TRPC6: variants seen among roughly 807,000 people sequenced by gnomAD.
TRPC6 encodes the protein short transient receptor potential channel 6.
In TRPC6, 55 loss-of-function variants were observed where a neutral mutation model predicts 90.7. That is an observed-to-expected ratio of 0.61 (90% confidence interval 0.49 to 0.76). The LOEUF (loss-of-function observed/expected upper bound fraction) is 0.76. TRPC6 is among the 30% of genes least tolerant of loss of function. The pLI is 0.00. For synonymous variants in TRPC6, 393 were observed against 393.0 expected (o/e 1.00, Z 0.00); for missense variants, 989 against 1,122.7 (o/e 0.88, Z 1.70).
In TRPC6 at chr11:101,488,977, G is replaced by C; in HGVS notation, c.1253C>G (p.Pro418Arg). 1 of 1,614,142 alleles carries C rather than the reference G, an allele frequency of 6.2e-7. No individual in the cohort carries two copies. Among genetic ancestry groups the C allele is most frequent in the Non-Finnish European group, 8.5e-7 (1 of 1,180,000 alleles). Residue 418 changes from proline to arginine, a missense_variant, in exon 4 of 13, where the codon CCC (proline) becomes CGC (arginine). Pro to Arg is a moderately radical substitution (Grantham distance 103). Around this residue, in one of 4 missense-constraint regions of TRPC6, gnomAD observed 486 missense variants for 591.9 expected, o/e 0.82. Coordinates refer to ENST00000344327, the MANE Select transcript of TRPC6 (RefSeq NM_004621.6). ...LVVLAVAIGL[P>R]FLALIYWFAP... The stretch of plus-strand genomic sequence containing the variant: ...AAACCAGTAAATGAGAGCCAGGAAG[G>C]GCAGTCCAATGGCAACAGCAAGGAC...
intron 1 of TRPC6, among the ~76,000 whole-genome samples, chr11:101,524,042 A>G (rs1422150068): frequency 6.6e-6 from 1 of 152,210 alleles, no homozygotes; most frequent in Admixed American, 6.5e-5. Flanking sequence ...CAAAGTCAAC[A>G]CAGGATTACC....
At chr11:101,495,074 T>C (rs1859911929) in intron 2 of TRPC6, among the ~76,000 whole-genome samples, 1 of 152,218 alleles carries the variant, frequency 6.6e-6, no homozygotes, top group African/African-American at 2.4e-5. Flanking sequence ...TTAACTTAAT[T>C]CTGGGTCATG....
At chr11:101,564,957 A>T (rs11224862) in intron 1 of TRPC6, among the ~76,000 whole-genome samples, 11,178 of 152,196 alleles carry the variant, frequency 0.073, 562 homozygotes, top group Non-Finnish European at 0.11. Flanking sequence ...TACAAAGAAG[A>T]CACAATGGAA....
intron 1 of TRPC6, among the ~76,000 whole-genome samples, chr11:101,527,151 A>AT (rs1221890972): frequency 8.5e-5 from 13 of 152,176 alleles, no homozygotes; most frequent in East Asian, 1.9e-4. Flanking sequence ...TAAAATTTCT[A>AT]TTTTTTTATC....
In TRPC6 at chr11:101,504,752, G is replaced by A. The variant is rs200138684; in HGVS notation, c.217C>T (p.Arg73Cys). 1.2e-5 allele frequency: 20 copies of A among 1,604,434 alleles called. No individual in the cohort carries two copies. Among genetic ancestry groups the A allele is most frequent in the Admixed American group, 1.7e-5 (1 of 58,720 alleles). ...RLAHRRQTVL[R>C]EKGRRLANRG... ...TTAGCTAACCTTCTCCCCTTCTCACGGAGAACTGTCTGCCGCCGGTGAGCC... is the reference window on the plus strand; with the variant it reads ...TTAGCTAACCTTCTCCCCTTCTCACAGAGAACTGTCTGCCGCCGGTGAGCC... Residue 73 changes from arginine to cysteine, a missense_variant, in exon 2 of 13, where the codon CGT (arginine) becomes TGT (cysteine). Physicochemically the swap from Arg to Cys is radical, Grantham distance 180 (BLOSUM62 -3). Around this residue, in one of 4 missense-constraint regions of TRPC6, gnomAD observed 194 missense variants for 136.5 expected, o/e 1.42. Transcript: ENST00000344327.
chr11:101,471,321 G>C lies in TRPC6; in HGVS notation c.2271C>G (p.Gly757=). The C allele has an allele frequency of 6.2e-7, 1 of 1,613,852 alleles. No homozygotes were observed. Among genetic ancestry groups the C allele is most frequent in the Non-Finnish European group, 8.5e-7 (1 of 1,179,870 alleles). ...GATTGAAGGGTACAGGAAGTGTTCT[G>C]CCCTCCTCAAAGTAGGAAAACCAGA... is the stretch of plus-strand genomic sequence containing the variant. ...AKLWFSYFEE[G]RTLPVPFNLV... is the part of the protein sequence containing the mutation. Residue 757 remains glycine, a synonymous_variant, in exon 9 of 13, where the codon GGC becomes GGG. Coordinates refer to ENST00000344327, the MANE Select transcript of TRPC6 (RefSeq NM_004621.6).
At chr11:101,549,045 A>G (rs1861393499) in intron 1 of TRPC6, among the ~76,000 whole-genome samples, 1 of 151,866 alleles carries the variant, frequency 6.6e-6, no homozygotes, top group Admixed American at 6.6e-5. Context: ...ATGTTCAAAT[A>G]TCACTTTTTA....
chr11:101,563,248 G>T (rs7115437), intron 1 of TRPC6, among the ~76,000 whole-genome samples: 3,990 of 152,174 alleles, frequency 0.026, 101 homozygotes, highest in African/African-American at 0.06. Flanking sequence ...TGATTATAAG[G>T]TTGATTAGAA....
chr11:101,466,780 A>G (rs200102337), intron 10 of TRPC6, among the ~76,000 whole-genome samples: 1 of 151,766 alleles, frequency 6.6e-6, no homozygotes, highest in South Asian at 2.1e-4. Flanking sequence ...AACAAAAAAA[A>G]CTCCTGCAGC....
chr11:101,520,910 GC>G (rs1401848721), intron 1 of TRPC6, among the ~76,000 whole-genome samples: 3 of 152,164 alleles, frequency 2.0e-5, no homozygotes, highest in Non-Finnish European at 4.4e-5. Context: ...TAGCCTGGCA[GC>G]TTCTAACAGC....
rs1284909782 is a variant in TRPC6, at chr11:101,451,736, T to C, written c.*1219A>G. ...GCTAAACAGATTTTCTGCAACCATTTCATCTTTAAGATGAAGTTAAAGATT... is the reference window on the plus strand; with the variant it reads ...GCTAAACAGATTTTCTGCAACCATTCCATCTTTAAGATGAAGTTAAAGATT... On this transcript the variant is annotated 3_prime_UTR_variant, in exon 13 of 13. Coordinates refer to ENST00000344327, the MANE Select transcript of TRPC6 (RefSeq NM_004621.6). 6.6e-6 allele frequency: 1 copy of C among 152,248 alleles called. No individual in the cohort carries two copies. The highest frequency in any genetic ancestry group is 1.9e-4 in the East Asian group (1 of 5,206). The allele number at this position is 152,248 out of a possible 1,614,324, so 9.4% of individuals were successfully genotyped here.
chr11:101,466,985 A>T (rs985811872), intron 10 of TRPC6, among the ~76,000 whole-genome samples: 3 of 152,014 alleles, frequency 2.0e-5, no homozygotes, highest in Non-Finnish European at 1.5e-5. Context: ...GAAATTCCCC[A>T]ACCCCTTGCG....
Position 101,453,078 on chromosome 11 carries a change from G to C in TRPC6, c.2673C>G (p.Ile891Met). Residue 891 changes from isoleucine (I) to methionine (M), a missense_variant, in exon 13 of 13, where the codon ATC (isoleucine) becomes ATG (methionine). Ile to Met is a conservative substitution (Grantham distance 10). Coordinates refer to ENST00000344327, the MANE Select transcript of TRPC6 (RefSeq NM_004621.6). ...CAAGGAGTTCATAGCGGAGACTTGA[G>C]ATGTCCTGCTTAATTTCCTTCAGTT... ...EGELKEIKQD[I>M]SSLRYELLEE... 6.2e-7 allele frequency: 1 copy of C among 1,613,748 alleles called. No individual in the cohort carries two copies. The highest frequency in any genetic ancestry group is 8.5e-7 in the Non-Finnish European group (1 of 1,179,830).
At chr11:101,477,902 A>C (rs962748212) in intron 5 of TRPC6, among the ~76,000 whole-genome samples, 1 of 152,224 alleles carries the variant, frequency 6.6e-6, no homozygotes, top group Non-Finnish European at 1.5e-5. Flanking sequence ...TTAATTAAAA[A>C]GAAGTTGCTT....
chr11:101,577,531 A>C (rs1862095874), intron 1 of TRPC6, among the ~76,000 whole-genome samples: 1 of 152,200 alleles, frequency 6.6e-6, no homozygotes, highest in Non-Finnish European at 1.5e-5. Context: ...TAAAGTTTGG[A>C]AAATAGATAT....
chr11:101,519,601 CTAGT>C (rs1429308480), intron 1 of TRPC6, among the ~76,000 whole-genome samples: 1 of 151,994 alleles, frequency 6.6e-6, no homozygotes, highest in Non-Finnish European at 1.5e-5. Context: ...CCCCAATTTT[CTAGT>C]TACTCAGAAA....
At chr11:101,549,783 C>G (rs1286027771) in intron 1 of TRPC6, among the ~76,000 whole-genome samples, 3 of 150,502 alleles carry the variant, frequency 2.0e-5, no homozygotes, top group African/African-American at 7.3e-5. Flanking sequence ...ACTATTATGG[C>G]CCTAATAGAT....
intron 1 of TRPC6, among the ~76,000 whole-genome samples, chr11:101,548,121 C>T (rs1861351927): frequency 2.6e-5 from 4 of 151,398 alleles, no homozygotes; most frequent in African/African-American, 7.3e-5. Context: ...TATGCACCAA[C>T]TATAATCTAA....
At chr11:101,524,188 T>TA in intron 1 of TRPC6, among the ~76,000 whole-genome samples, 1 of 152,206 alleles carries the variant, frequency 6.6e-6, no homozygotes, top group Admixed American at 6.5e-5. Context: ...TTGATCAAGG[T>TA]CCCTTAAGTG....
Sources: allele counts gnomAD v4.1 joint callset (sites outside exome capture counted in the v4.1 genomes callset), GRCh38; gene constraint gnomAD v4.1.1; regional missense constraint gnomAD v4.1.1; transcripts MANE v1.5; gene names NCBI Gene and HGNC (gene_info 2026-07-23, HGNC 2026-07-21).